Variants in PARD3 observed in about 807,000 individuals in gnomAD.
The protein encoded by PARD3 is partitioning defective 3 homolog.
Under a neutral mutation model 155.4 loss-of-function variants are expected in PARD3, and 75 were observed. That is an observed-to-expected ratio of 0.48 (90% CI 0.40 to 0.58). PARD3 has a LOEUF of 0.58. Ranked by LOEUF, PARD3 falls within the 20% of genes least tolerant of loss-of-function variation. The pLI, the probability that PARD3 is intolerant of heterozygous loss-of-function variation, is 0.00. For missense variants in PARD3, 1,642 were observed against 1,721.7 expected, an observed-to-expected ratio of 0.95 and a Z score of 0.82; for synonymous variants, 576 against 610.5, an observed-to-expected ratio of 0.94 and a Z score of 0.83.
chr10:34,704,089 A>T (rs1162959613), intron 1 of PARD3, among the ~76,000 whole-genome samples: 1 of 152,232 alleles, frequency 6.6e-6, no homozygotes, highest in Non-Finnish European at 1.5e-5. Flanking sequence ...CCAGGACGTC[A>T]GCTGCAAACC....
chr10:34,787,102 C>A (rs767746824), intron 1 of PARD3, among the ~76,000 whole-genome samples: 1 of 152,134 alleles, frequency 6.6e-6, no homozygotes, highest in Non-Finnish European at 1.5e-5. Context: ...TAAAGATAGG[C>A]CAGGCACAGT....
intron 20 of PARD3, among the ~76,000 whole-genome samples, chr10:34,309,744 T>TCCCCCACC (rs1304308234): frequency 1.8e-5 from 2 of 110,674 alleles, no homozygotes; most frequent in Admixed American, 9.0e-5. Context: ...TTCAACCATC[T>TCCCCCACC]CCCCCACCCC....
At chr10:34,394,279 G>A (rs1843121302) in intron 7 of PARD3, among the ~76,000 whole-genome samples, 1 of 152,112 alleles carries the variant, frequency 6.6e-6, no homozygotes, top group African/African-American at 2.4e-5. Flanking sequence ...GCCCACCTTG[G>A]CCTCCCAAAG....
chr10:34,682,256 C>T (rs770721898), intron 2 of PARD3, among the ~76,000 whole-genome samples: 6 of 148,816 alleles, frequency 4.0e-5, no homozygotes, highest in East Asian at 3.9e-4. Flanking sequence ...CACATTCAGA[C>T]GCAAGGAACT....
At chr10:34,547,710 C>T (rs1001887495) in intron 2 of PARD3, among the ~76,000 whole-genome samples, 1 of 152,106 alleles carries the variant, frequency 6.6e-6, no homozygotes, top group Admixed American at 6.6e-5. Flanking sequence ...CAAGTGGTGA[C>T]TCCAATTAAA....
intron 20 of PARD3, among the ~76,000 whole-genome samples, chr10:34,316,073 A>C (rs534850717): frequency 2.2e-4 from 34 of 152,324 alleles, no homozygotes; most frequent in African/African-American, 7.9e-4. Context: ...ATTGTAAATC[A>C]ACTAATTCTA....
At chr10:34,804,035 G>GT (rs373473801) in intron 1 of PARD3, among the ~76,000 whole-genome samples, 4,806 of 136,772 alleles carry the variant, frequency 0.035, 235 homozygotes, top group African/African-American at 0.1. Flanking sequence ...ATTTGTTTTT[G>GT]TTTTTTTTTT....
intron 19 of PARD3, among the ~76,000 whole-genome samples, chr10:34,328,173 A>G (rs967343383): frequency 2.0e-5 from 3 of 152,202 alleles, no homozygotes; most frequent in African/African-American, 7.2e-5. Flanking sequence ...AACAAAAACA[A>G]AGAGTTTGCT....
intron 3 of PARD3, among the ~76,000 whole-genome samples, chr10:34,485,766 C>A (rs1014163878): frequency 6.6e-6 from 1 of 151,914 alleles, no homozygotes; most frequent in Non-Finnish European, 1.5e-5. Context: ...AGACTCCTTG[C>A]GAGAGAGATT....
chr10:34,405,257 C>A (rs905799175), intron 5 of PARD3, among the ~76,000 whole-genome samples: 1 of 152,068 alleles, frequency 6.6e-6, no homozygotes, highest in African/African-American at 2.4e-5. Flanking sequence ...AAATAGATAA[C>A]ACATAATACA....
intron 20 of PARD3, among the ~76,000 whole-genome samples, chr10:34,304,695 C>T (rs12783878): frequency 6.6e-6 from 1 of 152,130 alleles, no homozygotes; most frequent in South Asian, 2.1e-4. Context: ...CTTCTCCACA[C>T]CTTTATGTTT....
chr10:34,477,853 T>C lies in PARD3; in HGVS notation c.404-7590A>G, dbSNP rs1266197904. Among the ~76,000 whole-genome samples, 4 of 152,350 alleles carry C rather than the reference T, an allele frequency of 2.6e-5. No homozygotes were observed. The South Asian group carries it at 8.3e-4, about 32-fold the overall frequency. ...ATACAAACAGCAAAATTACTCTTCATGCAAAATGAAAACTGTCTCTCTCCC... is the reference window on the plus strand; with the variant it reads ...ATACAAACAGCAAAATTACTCTTCACGCAAAATGAAAACTGTCTCTCTCCC... On this transcript the variant is annotated intron_variant, in intron 3 of 24. Transcript: ENST00000374788.
At chr10:34,399,291 T>C (rs1215610726) in intron 7 of PARD3, 39 bp downstream of exon 7, 1 of 1,217,214 alleles carries the variant, frequency 8.2e-7, no homozygotes, top group Non-Finnish European at 1.2e-6. Flanking sequence ...TAAAACACTC[T>C]ACATTATGAT....
intron 1 of PARD3, among the ~76,000 whole-genome samples, chr10:34,697,684 G>A (rs1160157002): frequency 6.6e-6 from 1 of 152,024 alleles, no homozygotes; most frequent in Non-Finnish European, 1.5e-5. Context: ...GCAAGTAACA[G>A]AGTTCCTCTG....
intron 21 of PARD3, among the ~76,000 whole-genome samples, chr10:34,272,303 T>C (rs1305949873): frequency 6.6e-6 from 1 of 152,088 alleles, no homozygotes; most frequent in African/African-American, 2.4e-5. Flanking sequence ...TAAAAGTATA[T>C]ACATTGAACA....
At chr10:34,573,734 AAAAC>A (rs1259765926) in intron 2 of PARD3, among the ~76,000 whole-genome samples, 10 of 10,778 alleles carry the variant, frequency 9.3e-4, no homozygotes, top group African/African-American at 3.0e-3. Context: ...CAAACAAACA[AAAAC>A]ACACACACAC....
chr10:34,448,979 C>T (rs962534738), intron 5 of PARD3, among the ~76,000 whole-genome samples: 6 of 143,890 alleles, frequency 4.2e-5, no homozygotes, highest in Admixed American at 2.8e-4. Context: ...AGTGCAGTGG[C>T]GTGATCTCGG....
At chr10:34,148,986 T>C (rs1208533519) in intron 22 of PARD3, among the ~76,000 whole-genome samples, 3 of 152,196 alleles carry the variant, frequency 2.0e-5, no homozygotes, top group Non-Finnish European at 2.9e-5. Context: ...CCGTTGATCA[T>C]GACACATTTT....
chr10:34,474,580 T>A (rs2078583302), intron 3 of PARD3, among the ~76,000 whole-genome samples: 1 of 152,226 alleles, frequency 6.6e-6, no homozygotes, highest in African/African-American at 2.4e-5. Context: ...GAAATTTTTT[T>A]ATTTAAATAA....
Sources: gnomAD v4.1 joint callset for allele counts (sites outside exome capture counted in the v4.1 genomes callset) on GRCh38, gnomAD v4.1.1 for gene constraint, MANE v1.5 for transcripts, NCBI Gene and HGNC (gene_info 2026-07-23, HGNC 2026-07-21) for gene names.